Variants in OSBPL7 observed in about 807,000 individuals in gnomAD.
OSBPL7 encodes oxysterol-binding protein-related protein 7.
Under a neutral mutation model 115.8 loss-of-function variants are expected in OSBPL7, and 66 were observed. That is an observed-to-expected ratio of 0.57 (90% CI 0.47 to 0.70). The LOEUF (loss-of-function observed/expected upper bound fraction) is 0.70, where lower values mean the gene tolerates loss of function less well. Among genes scored for constraint, OSBPL7 ranks in the 30% least tolerant of loss-of-function variants. OSBPL7 has a pLI of 0.00. For missense variants in OSBPL7, 902 were observed against 1,125.5 expected (o/e 0.80, Z 2.84); for synonymous variants, 441 against 439.2 (o/e 1.00, Z -0.05).
chr17:47,819,642 T>G, intron 4 of OSBPL7, 87 bp downstream of exon 4: 1 of 1,509,010 alleles, frequency 6.6e-7, no homozygotes, highest in Admixed American at 1.7e-5. Context: ...CAGACCCTGC[T>G]CTGGTCGATT....
At position 47,814,861 on chromosome 17, in the gene OSBPL7, G is replaced by A. The variant is rs1466361914; in HGVS notation, c.1258-247C>T. On this transcript the variant is annotated intron_variant, in intron 13 of 22. Coordinates refer to ENST00000007414, the MANE Select transcript of OSBPL7 (RefSeq NM_145798.3). The stretch of plus-strand genomic sequence containing the variant: ...GGGAAAAAGCTCAGGGACTTGATGG[G>A]ACACAGAGGGAAGGGAAGTTGGGGA... 5.2e-6 allele frequency: 3 copies of A among 576,888 alleles called. No individual in the cohort carries two copies. The Admixed American group carries it at 9.3e-5, about 18-fold the overall frequency. The allele number at this position is 576,888 out of a possible 1,614,324, so 35.7% of individuals were successfully genotyped here.
At chr17:47,819,180 A>T in intron 4 of OSBPL7, 81 bp from the exon 5 acceptor site, 1 of 1,205,638 alleles carries the variant, frequency 8.3e-7, no homozygotes, top group Non-Finnish European at 1.2e-6. Flanking sequence ...CCCTGATGCC[A>T]TTCTAGGCTC....
intron 16 of OSBPL7, 37 bp from the exon 17 acceptor site, chr17:47,810,872 G>A (rs762564190): frequency 9.4e-6 from 15 of 1,600,286 alleles, no homozygotes; most frequent in East Asian, 2.2e-5. Context: ...GGCTGTCCCC[G>A]AGCACCATTA....
Position 47,820,346 on chromosome 17 carries a change from C to A in OSBPL7, c.-68G>T. The stretch of plus-strand genomic sequence containing the variant: ...GAGCAGGGTGGAAGGGGAAGGATGT[C>A]ACCTGCTCCTGACGGGGTCCTTGAA... On this transcript the variant is annotated 5_prime_UTR_variant, in exon 2 of 23. The change abolishes the stop of an existing upstream ORF in the 5' untranslated region. Transcript: ENST00000007414. 6.7e-7 allele frequency: 1 copy of A among 1,484,502 alleles called. No individual in the cohort carries two copies. The highest frequency in any genetic ancestry group is 1.2e-5 in the South Asian group (1 of 81,570). The allele number at this position is 1,484,502 out of a possible 1,614,324, so 92.0% of individuals were successfully genotyped here. A position where few individuals can be genotyped will look rare whatever the true frequency, so the allele number is the denominator to read the frequency against.
At chr17:47,815,392 A>AG in intron 12 of OSBPL7, 40 bp from the exon 13 acceptor site, 1 of 1,609,752 alleles carries the variant, frequency 6.2e-7, no homozygotes, top group Non-Finnish European at 8.5e-7. Flanking sequence ...TCCGGGGCCA[A>AG]GCCGGGGGGA....
chr17:47,817,415 GT>G, intron 7 of OSBPL7, 56 bp from the exon 8 acceptor site: 2 of 1,308,292 alleles, frequency 1.5e-6, no homozygotes, highest in South Asian at 1.3e-5. Context: ...TTGAGACGGA[GT>G]TTTGCTCTTG....
intron 4 of OSBPL7, 80 bp downstream of exon 4, chr17:47,819,649 G>T: frequency 6.5e-7 from 1 of 1,543,638 alleles, no homozygotes; most frequent in Non-Finnish European, 8.9e-7. Context: ...TGCTCTGGTC[G>T]ATTCCAGATA....
chr17:47,816,918 A>G lies in OSBPL7; in HGVS notation c.703-46T>C. The G allele has an allele frequency of 1.3e-6, 2 of 1,570,804 alleles. No homozygotes were observed. The highest frequency in any genetic ancestry group is 1.8e-6 in the Non-Finnish European group (2 of 1,141,300). ...CAATTTTACTCACAGGGTGGGGAAA[A>G]GGGGCAGAAACCATCACAGCCTGGG... On this transcript the variant is annotated intron_variant, in intron 8 of 22. Transcript: ENST00000007414. The surrounding 1 kb of genome is among the most constrained non-coding windows in gnomAD (Gnocchi z 5.8).
chr17:47,816,921 G>T lies in OSBPL7; in HGVS notation c.703-49C>A. The T allele has an allele frequency of 6.4e-7, 1 of 1,563,914 alleles. No individual in the cohort carries two copies. Among genetic ancestry groups the T allele is most frequent in the Non-Finnish European group, 8.8e-7 (1 of 1,134,902 alleles). On this transcript the variant is annotated intron_variant, in intron 8 of 22. Transcript: ENST00000007414. The surrounding 1 kb of genome is among the most constrained non-coding windows in gnomAD (Gnocchi z 5.8). Reference sequence around the variant, plus strand: ...TTTTACTCACAGGGTGGGGAAAAGGGGCAGAAACCATCACAGCCTGGGAGA... The same window carrying T: ...TTTTACTCACAGGGTGGGGAAAAGGTGCAGAAACCATCACAGCCTGGGAGA...
intron 4 of OSBPL7, 195 bp downstream of exon 4, chr17:47,819,534 C>T: frequency 1.5e-6 from 1 of 664,444 alleles, no homozygotes; most frequent in Non-Finnish European, 2.6e-6. Context: ...AGCTCTGCAC[C>T]TGGGGGATGG....
At position 47,808,212 on chromosome 17, in the gene OSBPL7, G is replaced by A. The variant is rs1281925206; in HGVS notation, c.*79C>T. The stretch of plus-strand genomic sequence containing the variant: ...TCAAGGGCAGTGAGGCGGGGAGCCC[G>A]GCCTCACCCATGTGTCCATGGTAGG... On this transcript the variant is annotated 3_prime_UTR_variant, in exon 23 of 23. Transcript: ENST00000007414. This position sits in a 1 kb window ranked among gnomAD's most constrained non-coding sequence, Gnocchi z 6.1. 16 of 1,128,106 alleles carry A rather than the reference G, an allele frequency of 1.4e-5. No homozygotes were observed. Among genetic ancestry groups the A allele is most frequent in the Admixed American group, 9.5e-5 (5 of 52,762 alleles). 69.9% of individuals were successfully genotyped at this position (1,128,106 alleles called of 1,614,324 possible).
intron 16 of OSBPL7, among the ~76,000 whole-genome samples, chr17:47,811,659 G>A (rs1385095679): frequency 6.6e-6 from 1 of 152,114 alleles, no homozygotes; most frequent in Non-Finnish European, 1.5e-5. Context: ...AACCTCATTC[G>A]CCTCCCACAG....
chr17:47,814,490 A>T (rs765761329), intron 14 of OSBPL7, 31 bp downstream of exon 14: 1 of 334,272 alleles, frequency 3.0e-6, no homozygotes, highest in Non-Finnish European at 5.6e-6. Context: ...CCCGCCTCCC[A>T]CCCCTCCCTG....
At chr17:47,820,434 A>T in intron 1 of OSBPL7, 69 bp from the exon 2 acceptor site, 1 of 665,900 alleles carries the variant, frequency 1.5e-6, no homozygotes, top group East Asian at 2.8e-5. Context: ...AGCCCCTCCC[A>T]CACCCTCTGA....
intron 5 of OSBPL7, 59 bp downstream of exon 5, chr17:47,818,927 G>A: frequency 7.7e-6 from 11 of 1,437,478 alleles, no homozygotes; most frequent in Non-Finnish European, 1.1e-5. Flanking sequence ...GCCCCTGTGT[G>A]TTCCAATGCC....
chr17:47,814,844 G>C, intron 13 of OSBPL7: 1 of 583,522 alleles, frequency 1.7e-6, no homozygotes. Flanking sequence ...GCGGGAAAAA[G>C]CTCAGGGACT....
At chr17:47,812,261 C>T (rs536640456) in intron 16 of OSBPL7, among the ~76,000 whole-genome samples, 2 of 152,334 alleles carry the variant, frequency 1.3e-5, no homozygotes, top group African/African-American at 4.8e-5. Context: ...CCTCAGGTCC[C>T]AGGGACCCGC....
At chr17:47,811,881 C>T (rs2033053521) in intron 16 of OSBPL7, among the ~76,000 whole-genome samples, 2 of 152,238 alleles carry the variant, frequency 1.3e-5, no homozygotes, top group African/African-American at 4.8e-5. Context: ...ACACACACTT[C>T]GTTGTTCACA....
At chr17:47,812,053 A>AACAC (rs1319051243) in intron 16 of OSBPL7, among the ~76,000 whole-genome samples, 2 of 151,870 alleles carry the variant, frequency 1.3e-5, no homozygotes, top group Non-Finnish European at 2.9e-5. Context: ...CAAACAAACA[A>AACAC]ACACACAAAC....
Sources: allele counts gnomAD v4.1 joint callset (sites outside exome capture counted in the v4.1 genomes callset), GRCh38; gene constraint gnomAD v4.1.1; non-coding constraint Gnocchi (gnomAD v3.1); transcripts MANE v1.5; gene names NCBI Gene and HGNC (gene_info 2026-07-23, HGNC 2026-07-21).